Variants in THSD4 observed in about 807,000 individuals in gnomAD.
THSD4 encodes the protein thrombospondin type-1 domain-containing protein 4.
In THSD4, 69 loss-of-function variants were observed where a neutral mutation model predicts 119.0. The observed-to-expected ratio is 0.58, with a 90% CI of 0.48 to 0.71. The LOEUF (loss-of-function observed/expected upper bound fraction) is 0.71, where lower values mean the gene tolerates loss of function less well. Among genes scored for constraint, THSD4 ranks in the 30% least tolerant of loss-of-function variants. The pLI, the probability that THSD4 is intolerant of heterozygous loss-of-function variation, is 0.00. For missense variants in THSD4, 1,393 were observed against 1,391.1 expected (o/e 1.00, Z -0.02); for synonymous variants, 524 against 540.4 (o/e 0.97, Z 0.42).
intron 7 of THSD4, among the ~76,000 whole-genome samples, chr15:71,514,083 A>G (rs2140765356): frequency 6.6e-6 from 1 of 152,348 alleles, no homozygotes; most frequent in Middle Eastern, 3.4e-3. Flanking sequence ...TGGGTGAGCC[A>G]GTGCTTGAAC....
intron 10 of THSD4, among the ~76,000 whole-genome samples, chr15:71,735,644 C>G (rs535481507): frequency 6.6e-6 from 1 of 151,190 alleles, no homozygotes; most frequent in East Asian, 2.0e-4. Flanking sequence ...TGCTGTCTCT[C>G]TTGCTCTCTG....
intron 6 of THSD4, among the ~76,000 whole-genome samples, chr15:71,365,116 C>T (rs889197923): frequency 9.6e-6 from 1 of 104,148 alleles, no homozygotes; most frequent in African/African-American, 2.8e-5. Context: ...GAAAATATAT[C>T]CACTGCCCCC....
At chr15:71,403,326 A>G (rs1457277328) in intron 6 of THSD4, among the ~76,000 whole-genome samples, 1 of 152,216 alleles carries the variant, frequency 6.6e-6, no homozygotes, top group African/African-American at 2.4e-5. Context: ...TAATTTGACT[A>G]GATATAGAAT....
chr15:71,748,639 G>T (rs1377868878), intron 14 of THSD4, 45 bp downstream of exon 14: 1 of 1,602,516 alleles, frequency 6.2e-7, no homozygotes, highest in Non-Finnish European at 8.5e-7. Context: ...AGGTCTGCCA[G>T]GTGCCTCCAA....
chr15:71,426,700 ACT>A (rs1312366610), intron 7 of THSD4, among the ~76,000 whole-genome samples: 4 of 151,856 alleles, frequency 2.6e-5, no homozygotes, highest in African/African-American at 7.2e-5. Flanking sequence ...CTCTTTGTGG[ACT>A]CTCTCTCTTA....
intron 7 of THSD4, among the ~76,000 whole-genome samples, chr15:71,581,710 G>T (rs1167921694): frequency 6.6e-6 from 1 of 152,096 alleles, no homozygotes; most frequent in Non-Finnish European, 1.5e-5. Flanking sequence ...TAGAGATAAG[G>T]GTTTGATTCC....
chr15:71,683,189 T>C (rs889278868), intron 8 of THSD4, among the ~76,000 whole-genome samples: 1 of 152,070 alleles, frequency 6.6e-6, no homozygotes, highest in Non-Finnish European at 1.5e-5. Context: ...CCCAAAGTGC[T>C]AGGATTACAG....
chr15:71,516,088 G>A lies in THSD4; in HGVS notation c.1152+104265G>A, dbSNP rs75397271. ...CATGTACCACAGGAAACAGGACAGC[G>A]GAATGCTTAGTAATGGTTAGCATTT... On this transcript the variant is annotated intron_variant, in intron 7 of 17. Coordinates refer to ENST00000261862, the MANE Select transcript of THSD4 (RefSeq NM_024817.3). 3.3e-3 allele frequency among the ~76,000 whole-genome samples: 497 copies of A among 152,262 alleles called. 3 individuals are homozygous for A. Among genetic ancestry groups the A allele is most frequent in the African/African-American group, 0.011 (461 of 41,570 alleles).
In THSD4 at chr15:71,215,351, GC is replaced by G. The variant is rs1373228758; in HGVS notation, c.417del (p.Ser140AlafsTer108). 2 of 1,532,090 alleles carry G rather than the reference GC, an allele frequency of 1.3e-6. No homozygotes were observed. The highest frequency in any genetic ancestry group is 1.4e-5 in the African/African-American group (1 of 72,656). 94.9% of individuals were successfully genotyped at this position (1,532,090 alleles called of 1,614,324 possible). On this transcript the variant is annotated frameshift_variant, in exon 4 of 18. Transcript: ENST00000261862. LOFTEE classifies it high-confidence loss of function. ...ASRQGPTVLR[G>X]SRHPQPQGLE... ...CGCCAGGGCCCCACGGTGCTGCGAGGCAGCCGGCACCCACAGCCCCAGGGCC... is the reference window on the plus strand; with the variant it reads ...CGCCAGGGCCCCACGGTGCTGCGAGGAGCCGGCACCCACAGCCCCAGGGCC...
At chr15:71,368,349 A>G (rs1442732686) in intron 6 of THSD4, among the ~76,000 whole-genome samples, 1 of 152,182 alleles carries the variant, frequency 6.6e-6, no homozygotes, top group Non-Finnish European at 1.5e-5. Flanking sequence ...TTAGACATGA[A>G]GTCCTTGCCC....
intron 2 of THSD4, among the ~76,000 whole-genome samples, chr15:71,151,852 A>G (rs1183238352): frequency 6.6e-6 from 1 of 152,212 alleles, no homozygotes; most frequent in Admixed American, 6.5e-5. Context: ...GAGAAGGTGA[A>G]TCATTTTCGA....
intron 4 of THSD4, among the ~76,000 whole-genome samples, chr15:71,232,893 A>G (rs1486259094): frequency 6.6e-6 from 1 of 152,220 alleles, no homozygotes; most frequent in African/African-American, 2.4e-5. Context: ...GAGGGAAGTC[A>G]GAAGTGTGTG....
intron 1 of THSD4, among the ~76,000 whole-genome samples, chr15:71,138,953 G>A (rs556434774): frequency 6.6e-6 from 1 of 151,164 alleles, no homozygotes; most frequent in African/African-American, 2.4e-5. Flanking sequence ...AACCCTATGA[G>A]GTAGTTACAA....
chr15:71,647,201 A>G (rs1420792648), intron 7 of THSD4, among the ~76,000 whole-genome samples: 1 of 152,224 alleles, frequency 6.6e-6, no homozygotes. Context: ...ATTTATGTAT[A>G]CAAGTGCATA....
Position 71,599,566 on chromosome 15 carries a change from G to C in THSD4, c.1153-60964G>C, listed in dbSNP as rs1361322798. 2.6e-5 allele frequency among the ~76,000 whole-genome samples: 4 copies of C among 152,258 alleles called. No homozygotes were observed. The East Asian group carries it at 7.7e-4, about 29-fold the overall frequency. On this transcript the variant is annotated intron_variant, in intron 7 of 17. Transcript: ENST00000261862. Reference sequence around the variant, plus strand: ...TATGGAGTATCTCAAGGGTAGAAAGGCCCTTAAACCAGGAATGCTGCCCAA... The same window carrying C: ...TATGGAGTATCTCAAGGGTAGAAAGCCCCTTAAACCAGGAATGCTGCCCAA...
intron 7 of THSD4, among the ~76,000 whole-genome samples, chr15:71,452,487 C>T (rs2047279184): frequency 6.8e-6 from 1 of 147,820 alleles, no homozygotes; most frequent in African/African-American, 2.5e-5. Context: ...GGGATTAACC[C>T]TTGTCATGGC....
intron 6 of THSD4, among the ~76,000 whole-genome samples, chr15:71,283,105 G>A (rs2044675310): frequency 6.6e-6 from 1 of 152,022 alleles, no homozygotes; most frequent in South Asian, 2.1e-4. Context: ...GAGTAGCTGG[G>A]ACTACAGGCG....
intron 14 of THSD4, among the ~76,000 whole-genome samples, chr15:71,754,382 A>T (rs2053502090): frequency 6.6e-6 from 1 of 152,030 alleles, no homozygotes; most frequent in Admixed American, 6.6e-5. Context: ...GAGCCACCAC[A>T]CCTGGCCTAC....
intron 5 of THSD4, among the ~76,000 whole-genome samples, chr15:71,251,229 G>A (rs772183530): frequency 3.3e-5 from 5 of 152,212 alleles, no homozygotes; most frequent in Non-Finnish European, 7.3e-5. Context: ...TCCAGCTGTA[G>A]ATGAGAAAGG....
Sources: allele counts gnomAD v4.1 joint callset (sites outside exome capture counted in the v4.1 genomes callset), GRCh38; gene constraint gnomAD v4.1.1; transcripts MANE v1.5; gene names NCBI Gene and HGNC (gene_info 2026-07-23, HGNC 2026-07-21).